Variants in ASB2 observed in about 807,000 individuals in gnomAD.
ASB2 encodes the protein ankyrin repeat and SOCS box protein 2.
A neutral mutation model predicts 62.4 loss-of-function variants in ASB2; 58 were observed. The ratio of observed to expected loss-of-function variants is 0.93; its 90% confidence interval spans 0.75 to 1.16. ASB2 has a LOEUF of 1.16. Among genes scored for constraint, ASB2 ranks in the 50% most tolerant of loss-of-function variants. The pLI, the probability that ASB2 is intolerant of heterozygous loss-of-function variation, is 0.00. For synonymous variants in ASB2, 386 were observed against 385.3 expected, an observed-to-expected ratio of 1.00 and a Z score of -0.02; for missense variants, 928 against 887.9, an observed-to-expected ratio of 1.05 and a Z score of -0.57.
At chr14:93,960,382 C>T (rs762881419) in intron 2 of ASB2, among the ~76,000 whole-genome samples, 3 of 152,210 alleles carry the variant, frequency 2.0e-5, no homozygotes, top group Non-Finnish European at 4.4e-5. Context: ...CCTGGCATAT[C>T]ATAAGTGCAG....
chr14:93,969,671 T>C lies in ASB2; in HGVS notation c.-73-5059A>G, dbSNP rs1169664947. On this transcript the variant is annotated intron_variant, in intron 1 of 9. Transcript: ENST00000555019. ...TTTCCCAAGGAAAGCAGGAGTCTAATAGGCCTTGCCCAGCCATCAGGGAGG... is the reference window on the plus strand; with the variant it reads ...TTTCCCAAGGAAAGCAGGAGTCTAACAGGCCTTGCCCAGCCATCAGGGAGG... 2.0e-5 allele frequency among the ~76,000 whole-genome samples: 3 copies of C among 152,170 alleles called. No homozygotes were observed. In the East Asian group the frequency reaches 5.8e-4, roughly 29 times the overall value.
intron 1 of ASB2, among the ~76,000 whole-genome samples, chr14:93,966,700 C>T (rs1025633262): frequency 6.6e-6 from 1 of 152,210 alleles, no homozygotes; most frequent in Admixed American, 6.5e-5. Flanking sequence ...TGGGTTTTCT[C>T]TTATAGGCAG....
chr14:93,948,879 G>T (rs894247234), intron 6 of ASB2, among the ~76,000 whole-genome samples: 2 of 152,240 alleles, frequency 1.3e-5, no homozygotes, highest in Admixed American at 1.3e-4. Context: ...GATATAGGCG[G>T]CAGTGAGCCG....
Position 93,955,612 on chromosome 14 carries a change from T to C in ASB2, c.312-1129A>G, listed in dbSNP as rs554922763. 34 of 169,580 alleles carry C rather than the reference T, an allele frequency of 2.0e-4. 1 individual carries two copies. Among genetic ancestry groups the C allele is most frequent in the Admixed American group, 1.9e-3 (34 of 17,974 alleles). The allele number at this position is 169,580 out of a possible 1,614,324, so 10.5% of individuals were successfully genotyped here. A position where few individuals can be genotyped will look rare whatever the true frequency, so the allele number is the denominator to read the frequency against. On this transcript the variant is annotated intron_variant, in intron 3 of 9. Coordinates refer to ENST00000555019, the MANE Select transcript of ASB2 (RefSeq NM_001202429.2). ...AAGGGAGGAGGGCTGGCTTTTCTCG[T>C]GGCCTTGGCGAGCAGGGCGTGGTGC...
intron 1 of ASB2, among the ~76,000 whole-genome samples, chr14:93,968,803 C>T (rs186009131): frequency 7.2e-5 from 11 of 152,322 alleles, no homozygotes; most frequent in East Asian, 1.9e-4. Context: ...ATGTCATACT[C>T]GTAACCCCAG....
chr14:93,936,464 A>C (rs996743769), intron 9 of ASB2, among the ~76,000 whole-genome samples: 6 of 152,206 alleles, frequency 3.9e-5, no homozygotes, highest in African/African-American at 1.4e-4. Context: ...CTAGTGGCCA[A>C]GGATCGTGGT....
At chr14:93,941,452 A>G in intron 7 of ASB2, 2 of 319,306 alleles carry the variant, frequency 6.3e-6, no homozygotes, top group Non-Finnish European at 1.2e-5. Context: ...CTCAGTGGAA[A>G]GTATTATGAT....
intron 3 of ASB2, 105 bp downstream of exon 3, chr14:93,956,661 G>A (rs1415645267): frequency 9.4e-6 from 14 of 1,481,896 alleles, no homozygotes; most frequent in South Asian, 1.1e-5. Flanking sequence ...CCTCCATAGT[G>A]CCCTCTGCCC....
intron 3 of ASB2, among the ~76,000 whole-genome samples, chr14:93,955,759 C>T (rs1889169461): frequency 6.6e-6 from 1 of 152,184 alleles, no homozygotes; most frequent in Admixed American, 6.5e-5. Flanking sequence ...GGCAAAGTCC[C>T]CGCCCTATGA....
At chr14:93,955,789 G>C (rs1040523303) in intron 3 of ASB2, among the ~76,000 whole-genome samples, 2 of 152,182 alleles carry the variant, frequency 1.3e-5, no homozygotes, top group Non-Finnish European at 2.9e-5. Context: ...GGTTCTGGGG[G>C]TGTCAGGCCA....
chr14:93,943,825 G>A (rs1040777287), intron 7 of ASB2: 2 of 403,132 alleles, frequency 5.0e-6, no homozygotes, highest in South Asian at 3.7e-5. Flanking sequence ...TTGCTTGTCA[G>A]TGTGCTTTAT....
Position 93,950,872 on chromosome 14 carries a change from G to A in ASB2, c.880+127C>T, listed in dbSNP as rs185681424. ...CTTTCTCAACACAGCACTCTAGGAGGAAACTCTCACTCCATCAGTGTGCGC... is the reference window on the plus strand; with the variant it reads ...CTTTCTCAACACAGCACTCTAGGAGAAAACTCTCACTCCATCAGTGTGCGC... On this transcript the variant is annotated intron_variant, in intron 6 of 9. Transcript: ENST00000555019. 7.1e-3 allele frequency: 7,739 copies of A among 1,091,824 alleles called. 52 individuals are homozygous for A. The highest frequency in any genetic ancestry group is 9.5e-3 in the Non-Finnish European group (7,134 of 749,464). 67.6% of individuals were successfully genotyped at this position (1,091,824 alleles called of 1,614,324 possible).
intron 1 of ASB2, among the ~76,000 whole-genome samples, chr14:93,972,626 T>C (rs1889791897): frequency 6.6e-6 from 1 of 152,208 alleles, no homozygotes; most frequent in South Asian, 2.1e-4. Flanking sequence ...ATTAAGGGCA[T>C]GGCAAGGAGT....
chr14:93,964,447 C>G lies in ASB2; in HGVS notation c.93G>C (p.Val31=). 2.6e-6 allele frequency: 4 copies of G among 1,536,134 alleles called. No individual in the cohort carries two copies. Among genetic ancestry groups the G allele is most frequent in the Non-Finnish European group, 3.5e-6 (4 of 1,146,908 alleles). ...CTAGGCTCTGCTCGATGGCCATCTGCACCAGTTCATCCTCGCTCAGGCTGC... is the reference window on the plus strand; with the variant it reads ...CTAGGCTCTGCTCGATGGCCATCTGGACCAGTTCATCCTCGCTCAGGCTGC... ...LYSSLSEDEL[V]QMAIEQSLAD... is the part of the protein sequence containing the mutation. Residue 31 remains valine (V), a synonymous_variant, in exon 2 of 10, where the codon GTG becomes GTC. Transcript: ENST00000555019.
intron 1 of ASB2, among the ~76,000 whole-genome samples, chr14:93,972,048 T>C (rs1167507543): frequency 6.8e-6 from 1 of 148,050 alleles, no homozygotes; most frequent in African/African-American, 2.5e-5. Context: ...TAATATAATA[T>C]ATATTATATA....
intron 1 of ASB2, among the ~76,000 whole-genome samples, chr14:93,972,748 C>T (rs1031767199): frequency 1.3e-5 from 2 of 152,208 alleles, no homozygotes; most frequent in Non-Finnish European, 2.9e-5. Context: ...GCCACCTTGC[C>T]CTTGACCCCT....
At position 93,973,786 on chromosome 14, in the gene ASB2, C is replaced by G. The variant is rs558007187; in HGVS notation, c.-74+2648G>C. ...GACCCATATTCTGCCCAGGCACTACCAATGCCAGGATCTGCCATCTGTGCC... is the reference window on the plus strand; with the variant it reads ...GACCCATATTCTGCCCAGGCACTACGAATGCCAGGATCTGCCATCTGTGCC... On this transcript the variant is annotated intron_variant, in intron 1 of 9. Coordinates refer to ENST00000555019, the MANE Select transcript of ASB2 (RefSeq NM_001202429.2). 1.5e-4 allele frequency among the ~76,000 whole-genome samples: 23 copies of G among 152,356 alleles called. 1 individual carries two copies. In the South Asian group the frequency reaches 4.1e-3, roughly 27 times the overall value.
At chr14:93,939,702 G>A (rs1015146499) in intron 7 of ASB2, 30 bp from the exon 8 acceptor site, 4 of 1,397,230 alleles carry the variant, frequency 2.9e-6, no homozygotes, top group Non-Finnish European at 3.7e-6. Flanking sequence ...GCGCGGGTGA[G>A]GGGAGGGTCG....
chr14:93,938,281 C>T lies in ASB2; in HGVS notation c.1618-430G>A, dbSNP rs578048156. Among the ~76,000 whole-genome samples, 261 of 140,178 alleles carry T rather than the reference C, an allele frequency of 1.9e-3. 1 individual carries two copies. The highest frequency in any genetic ancestry group is 6.8e-3 in the African/African-American group (250 of 36,650). The allele number at this position is 140,178 out of a possible 152,430, so 92.0% of individuals were successfully genotyped here. A position where few individuals can be genotyped will look rare whatever the true frequency, so the allele number is the denominator to read the frequency against. On this transcript the variant is annotated intron_variant, in intron 8 of 9. Transcript: ENST00000555019. ...TTTGAGACAGAGTCTCGCTCTGTGC[C>T]CAGGCTGGAGTGCAGTGGCGCGATC...
Sources: gnomAD v4.1 joint callset for allele counts (sites outside exome capture counted in the v4.1 genomes callset) on GRCh38, gnomAD v4.1.1 for gene constraint, MANE v1.5 for transcripts, NCBI Gene and HGNC (gene_info 2026-07-23, HGNC 2026-07-21) for gene names.